The following LDB2 variants were observed in gnomAD, a reference collection of about 807,000 sequenced individuals.
LDB2 encodes the protein LIM domain binding 2, also known as LIM domain-binding protein 2.
A neutral mutation model predicts 44.3 loss-of-function variants in LDB2; 12 were observed. The ratio of observed to expected loss-of-function variants is 0.27; its 90% CI spans 0.17 to 0.44. LDB2 has a LOEUF of 0.44. Ranked by LOEUF, LDB2 falls within the 20% of genes least tolerant of loss-of-function variation. LDB2 has a pLI of 1.00. For missense variants in LDB2, 344 were observed against 473.5 expected (o/e 0.73, Z 2.54); for synonymous variants, 164 against 174.8 (o/e 0.94, Z 0.49).
intron 2 of LDB2, among the ~76,000 whole-genome samples, chr4:16,636,465 T>C (rs987784355): frequency 1.3e-5 from 2 of 152,110 alleles, no homozygotes; most frequent in South Asian, 2.1e-4. Flanking sequence ...GTCTGTCGAG[T>C]AGATTAAATG....
chr4:16,742,873 G>A (rs937821473), intron 2 of LDB2, among the ~76,000 whole-genome samples: 1 of 152,100 alleles, frequency 6.6e-6, no homozygotes, highest in Non-Finnish European at 1.5e-5. Flanking sequence ...CTACCTCACT[G>A]CCCCTCGCCT....
At chr4:16,688,204 G>A (rs996695252) in intron 2 of LDB2, among the ~76,000 whole-genome samples, 29 of 152,296 alleles carry the variant, frequency 1.9e-4, no homozygotes, top group Non-Finnish European at 4.4e-5. Context: ...CCCACAGTAG[G>A]AATACAGAAG....
At chr4:16,724,361 CA>C (rs1758975507) in intron 2 of LDB2, among the ~76,000 whole-genome samples, 1 of 151,060 alleles carries the variant, frequency 6.6e-6, no homozygotes, top group Non-Finnish European at 1.5e-5. Context: ...CACCTGGGTA[CA>C]GGGAAAATCA....
intron 1 of LDB2, among the ~76,000 whole-genome samples, chr4:16,818,645 C>T (rs567577131): frequency 3.3e-5 from 5 of 152,236 alleles, no homozygotes; most frequent in African/African-American, 7.2e-5. Flanking sequence ...AGGCTTGTTA[C>T]GATGAGGGTT....
At chr4:16,639,882 G>A (rs552662746) in intron 2 of LDB2, among the ~76,000 whole-genome samples, 1 of 152,246 alleles carries the variant, frequency 6.6e-6, no homozygotes, top group South Asian at 2.1e-4. Context: ...GGGCAGATGT[G>A]CTCTGCTTCA....
At chr4:16,608,099 A>G (rs1285507114) in intron 2 of LDB2, among the ~76,000 whole-genome samples, 14 of 151,954 alleles carry the variant, frequency 9.2e-5, no homozygotes, top group African/African-American at 2.4e-5. Flanking sequence ...AGTAAAAAAT[A>G]AAGTCTCCTA....
chr4:16,665,471 T>G (rs1451894264), intron 2 of LDB2, among the ~76,000 whole-genome samples: 3 of 152,114 alleles, frequency 2.0e-5, no homozygotes, highest in African/African-American at 7.2e-5. Context: ...TTCACCATGT[T>G]GGCCAGGATG....
intron 2 of LDB2, among the ~76,000 whole-genome samples, chr4:16,628,187 ACT>A (rs977732395): frequency 4.0e-5 from 6 of 151,768 alleles, no homozygotes; most frequent in African/African-American, 1.5e-4. Context: ...ACGCTTGTAA[ACT>A]CTGTGTGAAT....
intron 1 of LDB2, among the ~76,000 whole-genome samples, chr4:16,827,373 G>A (rs148370607): frequency 1.2e-4 from 18 of 152,300 alleles, no homozygotes; most frequent in African/African-American, 3.1e-4. Context: ...AGATGCATCT[G>A]AAAAGATGCT....
At chr4:16,819,093 TGTG>T (rs1781472898) in intron 1 of LDB2, among the ~76,000 whole-genome samples, 7 of 6,572 alleles carry the variant, frequency 1.1e-3, no homozygotes, top group African/African-American at 1.2e-3. Context: ...TGTGGTTGCT[TGTG>T]TGTGTGTGTG....
In LDB2 at chr4:16,813,418, TA is replaced by T. The variant is rs1296088064; in HGVS notation, c.133-54159del. Among the ~76,000 whole-genome samples the T allele has an allele frequency of 7.2e-5, 11 of 152,226 alleles. No homozygotes were observed. In the East Asian group the frequency reaches 2.1e-3, roughly 29 times the overall value. ...CAATGCATAGTGAATACTCAGTAAA[TA>T]CGAGACAATATTATTATTATCTTTA... On this transcript the variant is annotated intron_variant, in intron 1 of 7. Transcript: ENST00000304523.
chr4:16,763,397 A>T (rs1380582064), intron 1 of LDB2, among the ~76,000 whole-genome samples: 1 of 144,272 alleles, frequency 6.9e-6, no homozygotes, highest in Non-Finnish European at 1.5e-5. Flanking sequence ...CATTCTGTGT[A>T]TTTAAATTGT....
intron 1 of LDB2, among the ~76,000 whole-genome samples, chr4:16,859,031 C>A (rs1196870590): frequency 6.6e-6 from 1 of 152,156 alleles, no homozygotes; most frequent in Admixed American, 6.5e-5. Context: ...AATGACATTT[C>A]TTGAGATTAC....
intron 7 of LDB2, among the ~76,000 whole-genome samples, chr4:16,507,672 T>C (rs1485997892): frequency 6.6e-6 from 1 of 152,102 alleles, no homozygotes; most frequent in Non-Finnish European, 1.5e-5. Context: ...ATTTGAATGA[T>C]GGCCAAACAC....
At chr4:16,567,389 TGTGTGCATGC>T (rs1326928810) in intron 5 of LDB2, among the ~76,000 whole-genome samples, 5 of 11,526 alleles carry the variant, frequency 4.3e-4, no homozygotes, top group Non-Finnish European at 1.1e-3. Context: ...TGTGTGCGCG[TGTGTGCATGC>T]GTGTGTGTGC....
intron 1 of LDB2, among the ~76,000 whole-genome samples, chr4:16,809,946 T>G (rs1186064471): frequency 1.3e-5 from 2 of 152,206 alleles, no homozygotes; most frequent in Non-Finnish European, 2.9e-5. Context: ...TATTGATTCT[T>G]TTCATGTGGT....
At chr4:16,609,758 C>A (rs1725104020) in intron 2 of LDB2, among the ~76,000 whole-genome samples, 1 of 152,172 alleles carries the variant, frequency 6.6e-6, no homozygotes, top group Non-Finnish European at 1.5e-5. Context: ...TGCTGACCAG[C>A]AGACTTAGCC....
intron 3 of LDB2, among the ~76,000 whole-genome samples, chr4:16,592,465 C>CATATATATAT (rs71589671): frequency 2.6e-5 from 3 of 116,602 alleles, no homozygotes; most frequent in African/African-American, 1.1e-4. Context: ...ATTATACATA[C>CATATATATAT]ATATATATAT....
intron 2 of LDB2, among the ~76,000 whole-genome samples, chr4:16,681,927 A>C (rs1339918421): frequency 6.6e-6 from 1 of 152,174 alleles, no homozygotes; most frequent in African/African-American, 2.4e-5. Flanking sequence ...TGAGAGCTGG[A>C]GAAATCTCTT....
Sources: allele counts gnomAD v4.1 joint callset (sites outside exome capture counted in the v4.1 genomes callset), GRCh38; gene constraint gnomAD v4.1.1; transcripts MANE v1.5; gene names NCBI Gene and HGNC (gene_info 2026-07-23, HGNC 2026-07-21).